ZNF558: variants seen among roughly 807,000 people sequenced by gnomAD.
ZNF558 encodes zinc finger protein 558.
Under a neutral mutation model 37.6 loss-of-function variants are expected in ZNF558, and 23 were observed. That is an observed-to-expected ratio of 0.61 (90% CI 0.44 to 0.87). The LOEUF is 0.87. Ranked by LOEUF, ZNF558 falls within the 40% of genes least tolerant of loss-of-function variation. ZNF558 has a pLI of 0.00. For missense variants in ZNF558, 429 were observed against 483.7 expected, an observed-to-expected ratio of 0.89 and a Z score of 1.06; for synonymous variants, 189 against 174.4, an observed-to-expected ratio of 1.08 and a Z score of -0.66.
upstream of ZNF558, chr19:8,833,363 C>T (rs2044408794): frequency 6.6e-6 from 1 of 152,160 alleles, no homozygotes; most frequent in African/African-American, 2.4e-5. Flanking sequence ...TATAGGAAAA[C>T]TTAAGAATGG....
At chr19:8,812,669 G>C (rs200002011) in intron 8 of ZNF558, 26 bp from the exon 9 acceptor site, 1 of 1,494,150 alleles carries the variant, frequency 6.7e-7, no homozygotes, top group East Asian at 2.3e-5. Flanking sequence ...AAGAAATTTA[G>C]GTTGATGGAG....
At position 8,812,656 on chromosome 19, in the gene ZNF558, G is replaced by A. The variant is rs2043824911; in HGVS notation, c.344-13C>T. 6.4e-7 allele frequency: 1 copy of A among 1,561,000 alleles called. No individual in the cohort carries two copies. Among genetic ancestry groups the A allele is most frequent in the Non-Finnish European group, 8.7e-7 (1 of 1,151,646 alleles). On this transcript the variant is annotated splice_polypyrimidine_tract_variant and intron_variant, in intron 8 of 9. Transcript: ENST00000601372. Reference sequence around the variant, plus strand: ...AGAGTCTCCAAATCTGAAACAAATTGAAAAGAAATTTAGGTTGATGGAGAA... The same window carrying A: ...AGAGTCTCCAAATCTGAAACAAATTAAAAAGAAATTTAGGTTGATGGAGAA...
rs532390488 is a variant in ZNF558, at chr19:8,824,056, G to A, written c.-66+26C>T. On this transcript the variant is annotated intron_variant, in intron 4 of 9. Coordinates refer to ENST00000601372, the MANE Select transcript of ZNF558 (RefSeq NM_144693.3). Reference sequence around the variant, plus strand: ...CGGTGCTCACACCCTGTGTAGGCCCGACGCACACACGGAATTAGAGCTGAC... The same window carrying A: ...CGGTGCTCACACCCTGTGTAGGCCCAACGCACACACGGAATTAGAGCTGAC... 2.1e-3 allele frequency: 316 copies of A among 152,552 alleles called. 2 individuals carry two copies. Among genetic ancestry groups the A allele is most frequent in the South Asian group, 6.4e-3 (31 of 4,844 alleles). 9.4% of individuals were successfully genotyped at this position (152,552 alleles called of 1,614,324 possible).
Position 8,811,447 on chromosome 19 carries a change from T to C in ZNF558, c.1043A>G (p.Tyr348Cys), listed in dbSNP as rs1392532245. The C allele has an allele frequency of 6.2e-7, 1 of 1,614,118 alleles. No individual in the cohort carries two copies. Among genetic ancestry groups the C allele is most frequent in the Non-Finnish European group, 8.5e-7 (1 of 1,179,984 alleles). Residue 348 changes from tyrosine (Y) to cysteine (C), a missense_variant, in exon 10 of 10, where the codon TAC becomes TGC. Coordinates refer to ENST00000601372, the MANE Select transcript of ZNF558 (RefSeq NM_144693.3). Reference protein sequence around the residue: ...HKRIHTGEKPYECSDCGKAFN... With the variant: ...HKRIHTGEKPCECSDCGKAFN... ...GGCTTTTCCACAGTCACTGCACTCG[T>C]AGGGTTTCTCTCCGGTATGTATTCT... is the stretch of plus-strand genomic sequence containing the variant.
At chr19:8,824,683 T>C (rs1452859511) in intron 3 of ZNF558, among the ~76,000 whole-genome samples, 1 of 152,154 alleles carries the variant, frequency 6.6e-6, no homozygotes, top group African/African-American at 2.4e-5. Flanking sequence ...TGGGCAGTTC[T>C]GGCCTGGGGT....
At chr19:8,812,449 C>T in intron 9 of ZNF558, 112 bp downstream of exon 9, 2 of 654,214 alleles carry the variant, frequency 3.1e-6, no homozygotes, top group South Asian at 6.3e-5. Flanking sequence ...ACAGCATTCT[C>T]AATTATAAAT....
At chr19:8,830,178 G>A (rs1235507112) in intron 2 of ZNF558, among the ~76,000 whole-genome samples, 1 of 152,124 alleles carries the variant, frequency 6.6e-6, no homozygotes, top group Non-Finnish European at 1.5e-5. Context: ...CATGTAAGAC[G>A]TGCCTTGCTT....
rs540727210 is a variant in ZNF558, at chr19:8,806,663, C to G, written c.*4618G>C. 1 of 147,440 alleles carries G rather than the reference C, an allele frequency of 6.8e-6. No individual in the cohort carries two copies. The highest frequency in any genetic ancestry group is 2.0e-4 in the East Asian group (1 of 5,042). The allele number at this position is 147,440 out of a possible 1,614,324, so 9.1% of individuals were successfully genotyped here. A position where few individuals can be genotyped will look rare whatever the true frequency, so the allele number is the denominator to read the frequency against. On this transcript the variant is annotated 3_prime_UTR_variant, in exon 10 of 10. Transcript: ENST00000601372. The stretch of plus-strand genomic sequence containing the variant: ...GCAGTGAGCCGAGATCATGCCACTG[C>G]ACTCCAGCATGGCGACAGAGTGAGA...
upstream of ZNF558, chr19:8,833,355 T>C (rs1405054500): frequency 2.0e-5 from 3 of 152,148 alleles, no homozygotes; most frequent in African/African-American, 7.2e-5. Flanking sequence ...GATACACATA[T>C]AGGAAAACTT....
At chr19:8,832,724 G>C (rs1261222020), upstream of ZNF558, among the ~76,000 whole-genome samples, 1 of 151,748 alleles carries the variant, frequency 6.6e-6, no homozygotes, top group Non-Finnish European at 1.5e-5. Flanking sequence ...TTCTCGGGGC[G>C]GATGGTATAA....
At chr19:8,817,211 T>G (rs1399069963) in intron 7 of ZNF558, among the ~76,000 whole-genome samples, 1 of 152,160 alleles carries the variant, frequency 6.6e-6, no homozygotes, top group Non-Finnish European at 1.5e-5. Context: ...AAGGTGGATT[T>G]TGGCAGAATG....
rs897510155 is a variant in ZNF558 at position 8,817,927 on chromosome 19, C to T, written c.247+3253G>A. ...ACTCCACTTTCAATAATGGATAAAACAACATATTAGAAGATCAAAAAGGAA... is the reference window on the plus strand; with the variant it reads ...ACTCCACTTTCAATAATGGATAAAATAACATATTAGAAGATCAAAAAGGAA... On this transcript the variant is annotated intron_variant, in intron 7 of 9. Transcript: ENST00000601372. Among the ~76,000 whole-genome samples, 7 of 152,034 alleles carry T rather than the reference C, an allele frequency of 4.6e-5. 1 individual carries two copies. The highest frequency in any genetic ancestry group is 1.0e-4 in the Non-Finnish European group (7 of 68,000).
upstream of ZNF558, among the ~76,000 whole-genome samples, chr19:8,836,522 T>C (rs12973492): frequency 0.17 from 25,790 of 151,426 alleles, 2,739 homozygotes; most frequent in East Asian, 0.27. Context: ...GACAGGATCT[T>C]GCTTTGTCAC....
Position 8,822,716 on chromosome 19 carries a change from C to T in ZNF558, c.-57G>A, listed in dbSNP as rs867992074. 3.6e-5 allele frequency: 58 copies of T among 1,613,478 alleles called. No individual in the cohort carries two copies. Among genetic ancestry groups the T allele is most frequent in the Admixed American group, 2.2e-4 (13 of 59,990 alleles). On this transcript the variant is annotated 5_prime_UTR_variant, in exon 5 of 10. Coordinates refer to ENST00000601372, the MANE Select transcript of ZNF558 (RefSeq NM_144693.3). The surrounding 1 kb of genome is among the most constrained non-coding windows in gnomAD (Gnocchi z 4.4). ...GAAGCAGGACGCTCCTCCTTTATCC[C>T]GCAGCGCTCTGGAAGAAACGGGAAT...
At chr19:8,815,795 TAA>T (rs1047228875) in intron 7 of ZNF558, among the ~76,000 whole-genome samples, 4 of 147,152 alleles carry the variant, frequency 2.7e-5, no homozygotes, top group African/African-American at 1.0e-4. Flanking sequence ...GTCTCAAAGA[TAA>T]AGAGAGAGAG....
chr19:8,819,773 A>AT (rs2044035491), intron 7 of ZNF558, among the ~76,000 whole-genome samples: 1 of 152,118 alleles, frequency 6.6e-6, no homozygotes, highest in African/African-American at 2.4e-5. Flanking sequence ...CCCTGTCTCT[A>AT]TAAAAAATAC....
Position 8,811,341 on chromosome 19 carries a change from T to A in ZNF558, c.1149A>T (p.Lys383Asn). 6.2e-7 allele frequency: 1 copy of A among 1,612,014 alleles called. No individual in the cohort carries two copies. Among genetic ancestry groups the A allele is most frequent in the Non-Finnish European group, 8.5e-7 (1 of 1,179,078 alleles). The change falls in exon 10 of 10, where the codon AAA (lysine) becomes AAT (asparagine). Residue 383 changes from lysine (K) to asparagine (N), a missense_variant. By Grantham distance (94) the Lys-to-Asn change is moderately conservative. Coordinates refer to ENST00000601372, the MANE Select transcript of ZNF558 (RefSeq NM_144693.3). ...AAAGATAGGAGTTACTTGTGAAGGA[T>A]TTCCCACAATGATTACATTCATAGG... ...EKPYECNHCG[K>N]SFTSNSYLSV...
chr19:8,822,805 C>T lies in ZNF558; in HGVS notation c.-65-81G>A. 1 of 1,219,034 alleles carries T rather than the reference C, an allele frequency of 8.2e-7. No homozygotes were observed. The highest frequency in any genetic ancestry group is 1.2e-6 in the Non-Finnish European group (1 of 858,782). 75.5% of individuals were successfully genotyped at this position (1,219,034 alleles called of 1,614,324 possible). On this transcript the variant is annotated intron_variant, in intron 4 of 9. Transcript: ENST00000601372. The surrounding 1 kb of genome is among the most constrained non-coding windows in gnomAD (Gnocchi z 4.4). ...GGGGATGGGCCCTCCTCAACCCATC[C>T]TTCCCATCCTTCTTCAAATGCAAGT...
At chr19:8,812,704 T>C (rs782814524) in intron 8 of ZNF558, 61 bp from the exon 9 acceptor site, 4 of 1,092,900 alleles carry the variant, frequency 3.7e-6, no homozygotes, top group Admixed American at 2.6e-5. Context: ...AGTGTACACA[T>C]GAGTAAAGGC....
Sources: gnomAD v4.1 joint callset for allele counts (sites outside exome capture counted in the v4.1 genomes callset) on GRCh38, gnomAD v4.1.1 for gene constraint, Gnocchi (gnomAD v3.1) non-coding constraint, MANE v1.5 for transcripts, NCBI Gene and HGNC (gene_info 2026-07-23, HGNC 2026-07-21) for gene names.